Variants in SEC24C observed in about 807,000 individuals in gnomAD.
The protein encoded by SEC24C is protein transport protein Sec24C.
Under a neutral mutation model 117.0 loss-of-function variants are expected in SEC24C, and 22 were observed. The ratio of observed to expected loss-of-function variants is 0.19; its 90% CI spans 0.13 to 0.27. The LOEUF is 0.27. SEC24C is among the 10% of genes least tolerant of loss of function. The pLI is 1.00. For synonymous variants in SEC24C, 506 were observed against 529.4 expected (o/e 0.96, Z 0.61); for missense variants, 1,155 against 1,375.1 (o/e 0.84, Z 2.53).
Position 73,769,208 on chromosome 10 carries a change from G to A in SEC24C, c.2424+56G>A. 3 of 1,604,796 alleles carry A rather than the reference G, an allele frequency of 1.9e-6. No individual in the cohort carries two copies. The highest frequency in any genetic ancestry group is 2.6e-6 in the Non-Finnish European group (3 of 1,175,290). On this transcript the variant is annotated intron_variant, in intron 17 of 22. Transcript: ENST00000345254. This position sits in a 1 kb window ranked among gnomAD's most constrained non-coding sequence, Gnocchi z 4.5. ...AGTGTTTCATTCGCTTGGTATAGAA[G>A]AGGGTGAGGAATGGGTAGAGAGCAC...
chr10:73,751,210 A>G lies in SEC24C; in HGVS notation c.275A>G (p.Gln92Arg), dbSNP rs764088442. Residue 92 changes from glutamine (Q) to arginine (R), a missense_variant, in exon 3 of 23, where the codon CAG becomes CGG. Physicochemically the swap from Gln to Arg is conservative, Grantham distance 43. This residue lies in a region of SEC24C where 396 missense variants were observed against 382.8 expected (regional missense o/e 1.03). Coordinates refer to ENST00000345254, the MANE Select transcript of SEC24C (RefSeq NM_198597.3). ...GGCCAGTTTGGCCAAGGAGATGTAC[A>G]GAATGGGCCAAGCTCCACTGTTCAG... ...AYGQFGQGDV[Q>R]NGPSSTVQMQ... is the part of the protein sequence containing the mutation. 6.2e-7 allele frequency: 1 copy of G among 1,614,224 alleles called. No homozygotes were observed. The highest frequency in any genetic ancestry group is 8.5e-7 in the Non-Finnish European group (1 of 1,180,018).
intron 1 of SEC24C, among the ~76,000 whole-genome samples, chr10:73,744,825 T>G (rs2082520735): frequency 6.6e-6 from 1 of 152,136 alleles, no homozygotes; most frequent in African/African-American, 2.4e-5. Flanking sequence ...CCTTGGGTTG[T>G]CACCCTCGAC....
At chr10:73,764,756 C>T (rs918498850) in intron 8 of SEC24C, among the ~76,000 whole-genome samples, 2 of 152,232 alleles carry the variant, frequency 1.3e-5, no homozygotes, top group African/African-American at 4.8e-5. Context: ...TCTGTCACCC[C>T]AGTACCTGAT....
chr10:73,749,487 C>T (rs1327539827), intron 2 of SEC24C, among the ~76,000 whole-genome samples: 1 of 151,632 alleles, frequency 6.6e-6, no homozygotes, highest in Non-Finnish European at 1.5e-5. Context: ...TAATACTAAT[C>T]TGATGCTGTT....
rs1316872777 is a variant in SEC24C at position 73,766,216 on chromosome 10, AG to A, written c.1607+7del. 10 of 1,610,282 alleles carry A rather than the reference AG, an allele frequency of 6.2e-6. No homozygotes were observed. The highest frequency in any genetic ancestry group is 8.5e-6 in the Non-Finnish European group (10 of 1,178,860). ...CTGTTAGACTTTCTACCTAGGTGAG[AG>A]TTACAGAACTGAGGTGTTTCCTGAG... On this transcript the variant is annotated splice_region_variant and intron_variant, in intron 11 of 22. Transcript: ENST00000345254.
At position 73,765,879 on chromosome 10, in the gene SEC24C, C is replaced by G. The variant is rs540393385; in HGVS notation, c.1446C>G (p.Gly482=). ...ATGACCGCCCTGAGCTATCCCTGGG[C>G]TCTTATGAATTCTTGGCCACTGTAG... ...DAYDRPELSL[G]SYEFLATVDY... The change falls in exon 10 of 23, where the codon GGC becomes GGG. Residue 482 remains glycine (G), a synonymous_variant. Coordinates refer to ENST00000345254, the MANE Select transcript of SEC24C (RefSeq NM_198597.3). 8.7e-6 allele frequency: 14 copies of G among 1,614,084 alleles called. No individual in the cohort carries two copies. In the Admixed American group the frequency reaches 1.0e-4, roughly 12 times the overall value.
In SEC24C at chr10:73,766,847, T is replaced by C. The variant is rs777289657; in HGVS notation, c.1887T>C (p.Ala629=). 1.2e-6 allele frequency: 2 copies of C among 1,613,948 alleles called. No individual in the cohort carries two copies. The highest frequency in any genetic ancestry group is 2.2e-5 in the South Asian group (2 of 91,086). Residue 629 remains alanine (A), a synonymous_variant, in exon 13 of 23, where the codon GCT becomes GCC. Transcript: ENST00000345254. ...FVPVIQAGME[A]LKAAECAGKL... ...CAGTTATCCAGGCTGGAATGGAGGC[T>C]CTGAAGGTAAGGCTGGAGTATCGGG...
Position 73,765,827 on chromosome 10 carries a change from A to G in SEC24C, c.1394A>G (p.Asp465Gly). The G allele has an allele frequency of 6.2e-7, 1 of 1,614,026 alleles. No homozygotes were observed. The highest frequency in any genetic ancestry group is 8.5e-7 in the Non-Finnish European group (1 of 1,179,976). Reference protein sequence around the residue: ...DVPPQYFQHLDHTGKRVDAYD... With the variant: ...DVPPQYFQHLGHTGKRVDAYD... Reference sequence around the variant, plus strand: ...CCCCCCCAGTATTTTCAGCACCTGGATCATACCGGCAAACGTGTGGATGCT... The same window carrying G: ...CCCCCCCAGTATTTTCAGCACCTGGGTCATACCGGCAAACGTGTGGATGCT... The change falls in exon 10 of 23, where the codon GAT becomes GGT. Residue 465 changes from aspartate (D) to glycine (G), a missense_variant. Coordinates refer to ENST00000345254, the MANE Select transcript of SEC24C (RefSeq NM_198597.3).
chr10:73,771,319 CCTG>C lies in SEC24C; in HGVS notation c.*227_*229del. The C allele has an allele frequency of 1.8e-6, 1 of 553,730 alleles. No individual in the cohort carries two copies. The highest frequency in any genetic ancestry group is 1.9e-5 in the African/African-American group (1 of 52,972). The allele number at this position is 553,730 out of a possible 1,614,324, so 34.3% of individuals were successfully genotyped here. ...TGTTCCCTCATTCTACCCTCTTTTT[CCTG>C]CTAATCCTGTCATAATGAATGTAGC... is the stretch of plus-strand genomic sequence containing the variant. On this transcript the variant is annotated 3_prime_UTR_variant, in exon 23 of 23. Transcript: ENST00000345254.
At position 73,769,512 on chromosome 10, in the gene SEC24C, G is replaced by A. The variant is rs547847533; in HGVS notation, c.2563+27G>A. 5.0e-6 allele frequency: 8 copies of A among 1,614,062 alleles called. No homozygotes were observed. In the East Asian group the frequency reaches 1.6e-4, roughly 31 times the overall value. On this transcript the variant is annotated intron_variant, in intron 18 of 22. Transcript: ENST00000345254. This position sits in a 1 kb window ranked among gnomAD's most constrained non-coding sequence, Gnocchi z 4.5. Reference sequence around the variant, plus strand: ...TGAGGGTAGAAGCAGGGCAGGGTGGGATTGGGGCTGAGAGGTCCAGGATGG... The same window carrying A: ...TGAGGGTAGAAGCAGGGCAGGGTGGAATTGGGGCTGAGAGGTCCAGGATGG...
intron 15 of SEC24C, 143 bp from the exon 16 acceptor site, chr10:73,768,667 A>G (rs1470812480): frequency 2.7e-6 from 2 of 740,590 alleles, no homozygotes; most frequent in Non-Finnish European, 4.7e-6. Flanking sequence ...TTTAAAAGCT[A>G]TTATTGTCAT....
In SEC24C at chr10:73,763,472, C is replaced by T. The variant is rs957410546; in HGVS notation, c.988-18C>T. The stretch of plus-strand genomic sequence containing the variant: ...TTCCTTTTTCTTCTGTCACCTCATT[C>T]ATTGCACTTCTCTGCAGATTCAGGT... On this transcript the variant is annotated intron_variant, in intron 6 of 22. Transcript: ENST00000345254. 2 of 1,514,304 alleles carry T rather than the reference C, an allele frequency of 1.3e-6. No individual in the cohort carries two copies. The highest frequency in any genetic ancestry group is 1.1e-5 in the South Asian group (1 of 88,914). 93.8% of individuals were successfully genotyped at this position (1,514,304 alleles called of 1,614,324 possible).
At chr10:73,746,480 A>G (rs2082555236) in intron 1 of SEC24C, 2 of 189,708 alleles carry the variant, frequency 1.1e-5, no homozygotes, top group Admixed American at 1.2e-4. Context: ...TTCATCAGCC[A>G]CAAGACTGTG....
In SEC24C at chr10:73,771,401, C is replaced by T; in HGVS notation, c.*306C>T. ...TTGGGGGTTTGGAGGCACCCAGACC[C>T]TGGCAATATTATGTGTCCCTTTGGA... On this transcript the variant is annotated 3_prime_UTR_variant, in exon 23 of 23. Coordinates refer to ENST00000345254, the MANE Select transcript of SEC24C (RefSeq NM_198597.3). The T allele has an allele frequency of 3.2e-6, 1 of 308,448 alleles. No individual in the cohort carries two copies. The highest frequency in any genetic ancestry group is 6.1e-6 in the Non-Finnish European group (1 of 163,796). 19.1% of individuals were successfully genotyped at this position (308,448 alleles called of 1,614,324 possible).
At chr10:73,754,198 TGAGG>T (rs2082679884) in intron 3 of SEC24C, among the ~76,000 whole-genome samples, 1 of 152,156 alleles carries the variant, frequency 6.6e-6, no homozygotes, top group Admixed American at 6.5e-5. Flanking sequence ...GTGGATCACC[TGAGG>T]TAAGGAGTTT....
At chr10:73,755,087 C>T (rs936690262) in intron 3 of SEC24C, among the ~76,000 whole-genome samples, 2 of 151,624 alleles carry the variant, frequency 1.3e-5, no homozygotes, top group Non-Finnish European at 2.9e-5. Flanking sequence ...GAGCCGAAAT[C>T]GCACCGCTGC....
At chr10:73,757,088 T>G (rs1400670087) in intron 3 of SEC24C, among the ~76,000 whole-genome samples, 1 of 148,290 alleles carries the variant, frequency 6.7e-6, no homozygotes, top group Non-Finnish European at 1.5e-5. Flanking sequence ...ATTTTTGTAT[T>G]TTTTTAGTAG....
At chr10:73,763,633 C>CTTT (rs771490259) in intron 7 of SEC24C, 32 bp downstream of exon 7, 12 of 614,742 alleles carry the variant, frequency 2.0e-5, no homozygotes, top group Non-Finnish European at 2.7e-5. Flanking sequence ...CCCACAGGGG[C>CTTT]TTTTTCTTCA....
intron 1 of SEC24C, among the ~76,000 whole-genome samples, chr10:73,746,315 T>C (rs1264626095): frequency 6.6e-6 from 1 of 152,208 alleles, no homozygotes; most frequent in Admixed American, 6.6e-5. Flanking sequence ...GGGGGAAGGA[T>C]TTTAGCAGAT....
Sources: gnomAD v4.1 joint callset for allele counts (sites outside exome capture counted in the v4.1 genomes callset) on GRCh38, gnomAD v4.1.1 for gene constraint, gnomAD v4.1.1 regional missense constraint, Gnocchi (gnomAD v3.1) non-coding constraint, MANE v1.5 for transcripts, NCBI Gene and HGNC (gene_info 2026-07-23, HGNC 2026-07-21) for gene names.